The following PDE9A variants were observed in gnomAD, a reference collection of about 807,000 sequenced individuals.
PDE9A encodes the protein phosphodiesterase 9A.
A neutral mutation model predicts 87.4 loss-of-function variants in PDE9A; 60 were observed. That is an observed-to-expected ratio of 0.69 (90% CI 0.56 to 0.85). PDE9A has a LOEUF of 0.85. Among genes scored for constraint, PDE9A ranks in the 40% least tolerant of loss-of-function variants. The pLI, the probability that PDE9A is intolerant of heterozygous loss-of-function variation, is 0.00. For missense variants in PDE9A, 665 were observed against 779.0 expected (o/e 0.85, Z 1.74); for synonymous variants, 272 against 279.4 (o/e 0.97, Z 0.27).
At chr21:42,762,357 C>T (rs2055884931) in intron 14 of PDE9A, 118 bp downstream of exon 14, 5 of 1,014,238 alleles carry the variant, frequency 4.9e-6, no homozygotes, top group Admixed American at 2.6e-5. Flanking sequence ...GCCCTGGGGA[C>T]CCAAGGGAAC....
At chr21:42,774,937 A>C (rs2057371102) in intron 19 of PDE9A, among the ~76,000 whole-genome samples, 2 of 146,984 alleles carry the variant, frequency 1.4e-5, no homozygotes. Flanking sequence ...GACTGCTGGC[A>C]CTTTTTTTTT....
chr21:42,754,664 A>C (rs577305142), intron 10 of PDE9A, among the ~76,000 whole-genome samples: 1 of 152,340 alleles, frequency 6.6e-6, no homozygotes, highest in East Asian at 1.9e-4. Flanking sequence ...CCACGTGTCA[A>C]GGGCAGGGCC....
intron 18 of PDE9A, 66 bp downstream of exon 18, chr21:42,770,864 G>A (rs776104548): frequency 3.1e-5 from 39 of 1,248,656 alleles, no homozygotes; most frequent in East Asian, 4.7e-5. Context: ...CCGCACTCCC[G>A]ACTCCAGAAG....
Position 42,719,653 on chromosome 21 carries a change from A to G in PDE9A, c.263-12117A>G, listed in dbSNP as rs974236639. Among the ~76,000 whole-genome samples the G allele has an allele frequency of 2.7e-5, 4 of 146,928 alleles. 1 individual carries two copies. Among genetic ancestry groups the G allele is most frequent in the Middle Eastern group, 3.5e-3 (1 of 286 alleles). ...AGAGTCTGTCTCAAAAAAAAAAAAA[A>G]AAAAAAAAGAAATATTCCTTCGTTC... On this transcript the variant is annotated intron_variant, in intron 4 of 19. Coordinates refer to ENST00000291539, the MANE Select transcript of PDE9A (RefSeq NM_002606.3).
chr21:42,666,960 C>A (rs992900719), intron 1 of PDE9A, among the ~76,000 whole-genome samples: 1 of 152,298 alleles, frequency 6.6e-6, no homozygotes, highest in African/African-American at 2.4e-5. Flanking sequence ...GCACCAAGGT[C>A]CCGCGCCTGG....
chr21:42,743,403 T>A (rs1008492795), intron 7 of PDE9A, among the ~76,000 whole-genome samples: 3 of 152,220 alleles, frequency 2.0e-5, no homozygotes, highest in Non-Finnish European at 4.4e-5. Context: ...CTTTTCTTTT[T>A]GGGATAAAAG....
chr21:42,673,061 G>A (rs189241522), intron 1 of PDE9A, among the ~76,000 whole-genome samples: 31 of 152,322 alleles, frequency 2.0e-4, no homozygotes, highest in African/African-American at 7.0e-4. Context: ...ACTCAACGGA[G>A]TAAGTAATGT....
rs1014737183 is a variant in PDE9A at position 42,675,991 on chromosome 21, A to T, written c.70-10201A>T. 6.6e-6 allele frequency among the ~76,000 whole-genome samples: 1 copy of T among 152,140 alleles called. No individual in the cohort carries two copies. Among genetic ancestry groups the T allele is most frequent in the Non-Finnish European group, 1.5e-5 (1 of 68,030 alleles). The stretch of plus-strand genomic sequence containing the variant: ...CTTGGTGCTATCCTTGAGATAGTGA[A>T]TTCTTGCAAGATCTGGTTGTTTATG... On this transcript the variant is annotated intron_variant, in intron 1 of 19. Coordinates refer to ENST00000291539, the MANE Select transcript of PDE9A (RefSeq NM_002606.3). The surrounding 1 kb of genome is among the most constrained non-coding windows in gnomAD (Gnocchi z 4.3).
chr21:42,701,891 G>A (rs1338456686), intron 4 of PDE9A, among the ~76,000 whole-genome samples: 1 of 152,182 alleles, frequency 6.6e-6, no homozygotes, highest in African/African-American at 2.4e-5. Context: ...TGTGCAATGT[G>A]TCTTTTTCCC....
chr21:42,698,734 A>G (rs2060277015), intron 3 of PDE9A, among the ~76,000 whole-genome samples: 1 of 152,214 alleles, frequency 6.6e-6, no homozygotes, highest in African/African-American at 2.4e-5. Flanking sequence ...ACATTTATTT[A>G]ATTGACCAAA....
At chr21:42,765,260 T>A (rs2056285164) in intron 14 of PDE9A, 121 bp from the exon 15 acceptor site, 1 of 611,366 alleles carries the variant, frequency 1.6e-6, no homozygotes. Context: ...TGGATGCACA[T>A]ATGAATCGGA....
chr21:42,653,889 C>CCCTCCCCCACCCAGACACCCCCT lies in PDE9A; in HGVS notation c.69+15_69+37dup. Reference sequence around the variant, plus strand: ...TCGATGGACGCATTCAGAAGGTAGCCCCTCCCCCACCCAGACACCCCCTCC... The same window carrying CCCTCCCCCACCCAGACACCCCCT: ...TCGATGGACGCATTCAGAAGGTAGCCCCTCCCCCACCCAGACACCCCCTCCTCCCCCACCCAGACACCCCCTCC... On this transcript the variant is annotated splice_region_variant and intron_variant, in intron 1 of 19. Coordinates refer to ENST00000291539, the MANE Select transcript of PDE9A (RefSeq NM_002606.3). The CCCTCCCCCACCCAGACACCCCCT allele has an allele frequency of 6.6e-7, 1 of 1,514,422 alleles. No homozygotes were observed. The highest frequency in any genetic ancestry group is 8.9e-7 in the Non-Finnish European group (1 of 1,117,476). 93.8% of individuals were successfully genotyped at this position (1,514,422 alleles called of 1,614,324 possible).
Position 42,769,105 on chromosome 21 carries a change from A to C in PDE9A, c.1540A>C (p.Ile514Leu). 1 of 1,614,002 alleles carries C rather than the reference A, an allele frequency of 6.2e-7. No homozygotes were observed. Among genetic ancestry groups the C allele is most frequent in the Non-Finnish European group, 8.5e-7 (1 of 1,179,898 alleles). Residue 514 changes from isoleucine (I) to leucine (L), a missense_variant, in exon 17 of 20, where the codon ATT becomes CTT. Coordinates refer to ENST00000291539, the MANE Select transcript of PDE9A (RefSeq NM_002606.3). ...RDKVTKATAQ[I>L]GFIKFVLIPM... is the part of the protein sequence containing the mutation. Reference sequence around the variant, plus strand: ...CAAAGTGACCAAGGCCACAGCCCAGATTGGGTTCATCAAGTTTGTCCTGAT... The same window carrying C: ...CAAAGTGACCAAGGCCACAGCCCAGCTTGGGTTCATCAAGTTTGTCCTGAT...
chr21:42,768,366 G>A lies in PDE9A; in HGVS notation c.1461+74G>A, dbSNP rs905266798. On this transcript the variant is annotated intron_variant, in intron 16 of 19. Coordinates refer to ENST00000291539, the MANE Select transcript of PDE9A (RefSeq NM_002606.3). ...CACTTAGTAAGGGTTTGCGTTAAAC[G>A]AGCACGCCTGGGTGGTCCCGCATAT... is the stretch of plus-strand genomic sequence containing the variant. The A allele has an allele frequency of 1.4e-5, 15 of 1,095,356 alleles. No individual in the cohort carries two copies. In the South Asian group the frequency reaches 1.4e-4, roughly 10 times the overall value. The allele number at this position is 1,095,356 out of a possible 1,614,324, so 67.9% of individuals were successfully genotyped here.
At chr21:42,749,194 T>A (rs1448095203) in intron 8 of PDE9A, among the ~76,000 whole-genome samples, 1 of 152,236 alleles carries the variant, frequency 6.6e-6, no homozygotes, top group Non-Finnish European at 1.5e-5. Flanking sequence ...AATTTCTATA[T>A]GGCTCTTACT....
At chr21:42,698,540 G>C (rs73905745) in intron 3 of PDE9A, among the ~76,000 whole-genome samples, 1 of 152,056 alleles carries the variant, frequency 6.6e-6, no homozygotes, top group Non-Finnish European at 1.5e-5. Context: ...GTGCATTTTC[G>C]ACTTCATCAC....
chr21:42,666,140 C>T (rs908461953), intron 1 of PDE9A, among the ~76,000 whole-genome samples: 2 of 152,156 alleles, frequency 1.3e-5, no homozygotes, highest in East Asian at 3.8e-4. Flanking sequence ...GGCGTGGCCA[C>T]AACCGAGAGG....
At chr21:42,731,563 C>T (rs2051750339) in intron 4 of PDE9A, among the ~76,000 whole-genome samples, 1 of 152,146 alleles carries the variant, frequency 6.6e-6, no homozygotes, top group South Asian at 2.1e-4. Flanking sequence ...GCCACCCAGC[C>T]CAGTTTTACA....
At chr21:42,709,529 A>G (rs2049123167) in intron 4 of PDE9A, among the ~76,000 whole-genome samples, 1 of 152,148 alleles carries the variant, frequency 6.6e-6, no homozygotes, top group African/African-American at 2.4e-5. Flanking sequence ...CATTTCCATC[A>G]CCCTAGAAAA....
Sources: gnomAD v4.1 joint callset for allele counts (sites outside exome capture counted in the v4.1 genomes callset) on GRCh38, gnomAD v4.1.1 for gene constraint, Gnocchi (gnomAD v3.1) non-coding constraint, MANE v1.5 for transcripts, NCBI Gene and HGNC (gene_info 2026-07-23, HGNC 2026-07-21) for gene names.